Variants in SPATA17 observed in about 807,000 individuals in gnomAD.
The protein encoded by SPATA17 is spermatogenesis-associated protein 17.
SPATA17 carries 53 observed loss-of-function variants against 62.2 expected under a neutral mutation model. The ratio of observed to expected loss-of-function variants is 0.85; its 90% CI spans 0.68 to 1.07. The LOEUF (loss-of-function observed/expected upper bound fraction) is 1.07. Ranked by LOEUF, SPATA17 falls within the 50% of genes least tolerant of loss-of-function variation. The probability of loss-of-function intolerance (pLI) is 0.00; values close to 1 mark genes in which losing one functional copy is unlikely to be tolerated. For missense variants in SPATA17, 466 were observed against 425.5 expected, an observed-to-expected ratio of 1.10 and a Z score of -0.84; for synonymous variants, 146 against 146.8, an observed-to-expected ratio of 0.99 and a Z score of 0.04.
intron 6 of SPATA17, among the ~76,000 whole-genome samples, chr1:217,773,560 G>A (rs1461078941): frequency 2.6e-5 from 4 of 152,016 alleles, no homozygotes; most frequent in South Asian, 2.1e-4. Flanking sequence ...AAATAGACAC[G>A]CTAAATTTGA....
intron 6 of SPATA17, among the ~76,000 whole-genome samples, chr1:217,745,619 A>G (rs1460427434): frequency 6.6e-6 from 1 of 152,122 alleles, no homozygotes; most frequent in African/African-American, 2.4e-5. Context: ...AATATAATAA[A>G]CATGAATCTT....
chr1:217,742,079 A>G lies in SPATA17; in HGVS notation c.500A>G (p.Tyr167Cys). 1.2e-6 allele frequency: 2 copies of G among 1,614,132 alleles called. No homozygotes were observed. The highest frequency in any genetic ancestry group is 1.7e-6 in the Non-Finnish European group (2 of 1,180,010). Residue 167 changes from tyrosine to cysteine, a missense_variant, in exon 6 of 11, where the codon TAC becomes TGC. Coordinates refer to ENST00000366933, the MANE Select transcript of SPATA17 (RefSeq NM_138796.4). ...GATTACCAAGCCCGAAAGATGCATT[A>G]CCTCCTCAGCACAAAGCAGGTTGGT... is the stretch of plus-strand genomic sequence containing the variant. The part of the protein sequence containing the change: ...KRDYQARKMH[Y>C]LLSTKQIPGI...
At chr1:217,774,891 A>G (rs1673550519) in intron 7 of SPATA17, among the ~76,000 whole-genome samples, 1 of 152,140 alleles carries the variant, frequency 6.6e-6, no homozygotes, top group South Asian at 2.1e-4. Context: ...TTGTTTATCC[A>G]TTTATCTGCA....
chr1:217,690,182 C>T (rs192747785), intron 5 of SPATA17, among the ~76,000 whole-genome samples: 43 of 152,198 alleles, frequency 2.8e-4, no homozygotes, highest in African/African-American at 8.9e-4. Context: ...GGACTATAGG[C>T]GTGAGCCACC....
chr1:217,750,459 G>A (rs950118398), intron 6 of SPATA17, among the ~76,000 whole-genome samples: 1 of 152,152 alleles, frequency 6.6e-6, no homozygotes, highest in African/African-American at 2.4e-5. Flanking sequence ...AAGAGGACAT[G>A]CAGAAGAAAT....
chr1:217,707,433 A>G (rs1326188708), intron 5 of SPATA17, among the ~76,000 whole-genome samples: 1 of 152,044 alleles, frequency 6.6e-6, no homozygotes, highest in Admixed American at 6.6e-5. Flanking sequence ...CTTTTGCCTG[A>G]TTGCTCTGAC....
At chr1:217,827,389 T>C (rs1675021410) in intron 9 of SPATA17, among the ~76,000 whole-genome samples, 1 of 152,022 alleles carries the variant, frequency 6.6e-6, no homozygotes, top group African/African-American at 2.4e-5. Context: ...AAAATTATAA[T>C]GCCTGCAGAG....
At chr1:217,736,657 G>C (rs1672515543) in intron 5 of SPATA17, among the ~76,000 whole-genome samples, 1 of 152,202 alleles carries the variant, frequency 6.6e-6, no homozygotes, top group Non-Finnish European at 1.5e-5. Flanking sequence ...CATGAAGTGA[G>C]AGGGAGAGAG....
intron 9 of SPATA17, among the ~76,000 whole-genome samples, chr1:217,838,673 T>C (rs1046754541): frequency 1.3e-5 from 2 of 152,096 alleles, no homozygotes; most frequent in Middle Eastern, 6.3e-3. Flanking sequence ...CTAAGGAAAT[T>C]AAGCAGGAGT....
intron 5 of SPATA17, among the ~76,000 whole-genome samples, chr1:217,706,410 A>T (rs1482736582): frequency 6.6e-6 from 1 of 152,136 alleles, no homozygotes; most frequent in African/African-American, 2.4e-5. Context: ...GGGACCTGTA[A>T]TCCCCATGTG....
intron 5 of SPATA17, among the ~76,000 whole-genome samples, chr1:217,690,633 T>TC (rs1198375460): frequency 1.2e-5 from 1 of 84,762 alleles, no homozygotes; most frequent in Non-Finnish European, 2.2e-5. Context: ...ATGCTATCCC[T>TC]CCCCCCTCCC....
In SPATA17 at chr1:217,810,543, A is replaced by G. The variant is rs1476069489; in HGVS notation, c.1005+8693A>G. On this transcript the variant is annotated intron_variant, in intron 9 of 10. Transcript: ENST00000366933. ...GGGCTGAGGCAGAAGAATCACTTGA[A>G]CCCAGGAGGCAGAGGCATGAGCCAA... is the stretch of plus-strand genomic sequence containing the variant. 3.3e-5 allele frequency among the ~76,000 whole-genome samples: 5 copies of G among 151,776 alleles called. 1 individual carries two copies. The highest frequency in any genetic ancestry group is 2.6e-4 in the Admixed American group (4 of 15,224).
intron 6 of SPATA17, among the ~76,000 whole-genome samples, chr1:217,750,092 CAT>C (rs1181577949): frequency 4.1e-5 from 6 of 146,760 alleles, no homozygotes; most frequent in Non-Finnish European, 7.5e-5. Flanking sequence ...AGAGGAGAAA[CAT>C]GTTACAAGCT....
At chr1:217,850,621 C>G (rs190621455) in intron 9 of SPATA17, 280 of 1,592,870 alleles carry the variant, frequency 1.8e-4, no homozygotes, top group Admixed American at 2.2e-4. Context: ...AGGGTCTTCA[C>G]GAAGATCTGC....
chr1:217,685,473 G>A (rs1475266128), intron 5 of SPATA17, among the ~76,000 whole-genome samples: 2 of 152,076 alleles, frequency 1.3e-5, no homozygotes, highest in Non-Finnish European at 2.9e-5. Flanking sequence ...GTATTCTTTA[G>A]TATATTACAG....
chr1:217,690,606 A>G (rs1196732917), intron 5 of SPATA17, among the ~76,000 whole-genome samples: 1 of 135,270 alleles, frequency 7.4e-6, no homozygotes, highest in Non-Finnish European at 1.6e-5. Flanking sequence ...ATCATCTAGC[A>G]TTAGGTATAT....
At chr1:217,684,698 G>A (rs953619229) in intron 5 of SPATA17, among the ~76,000 whole-genome samples, 5 of 152,154 alleles carry the variant, frequency 3.3e-5, no homozygotes, top group Non-Finnish European at 7.3e-5. Flanking sequence ...TTACAGGCAT[G>A]AGCCACTGCG....
At chr1:217,636,131 CAAA>C (rs397982927) in intron 1 of SPATA17, among the ~76,000 whole-genome samples, 17,576 of 101,516 alleles carry the variant, frequency 0.17, 1,618 homozygotes, top group East Asian at 0.5. Context: ...GACTCCGTCT[CAAA>C]AAAAAAAAAA....
chr1:217,830,676 T>C (rs1446636079), intron 9 of SPATA17, among the ~76,000 whole-genome samples: 6 of 152,120 alleles, frequency 3.9e-5, no homozygotes, highest in African/African-American at 1.4e-4. Flanking sequence ...GAAGCCATAC[T>C]TCCAGGCCAT....
Sources: allele counts gnomAD v4.1 joint callset (sites outside exome capture counted in the v4.1 genomes callset), GRCh38; gene constraint gnomAD v4.1.1; transcripts MANE v1.5; gene names NCBI Gene and HGNC (gene_info 2026-07-23, HGNC 2026-07-21).